Variants in ITSN1 observed in about 807,000 individuals in gnomAD.
ITSN1 encodes the protein intersectin-1.
Under a neutral mutation model 239.8 loss-of-function variants are expected in ITSN1, and 58 were observed. That is an observed-to-expected ratio of 0.24 (90% confidence interval 0.20 to 0.30). ITSN1 has a LOEUF of 0.30. ITSN1 is among the 10% of genes least tolerant of loss of function. The pLI, the probability that ITSN1 is intolerant of heterozygous loss-of-function variation, is 1.00. For missense variants in ITSN1, 1,558 were observed against 2,103.3 expected, an observed-to-expected ratio of 0.74 and a Z score of 5.07; for synonymous variants, 780 against 770.8, an observed-to-expected ratio of 1.01 and a Z score of -0.20.
intron 1 of ITSN1, among the ~76,000 whole-genome samples, chr21:33,679,230 G>GTA (rs1491048943): frequency 6.6e-6 from 1 of 152,098 alleles, no homozygotes; most frequent in Non-Finnish European, 1.5e-5. Context: ...GTGTGTGTGT[G>GTA]TATCTATATA....
rs560723776 is a variant in ITSN1, at chr21:33,684,030, G to C, written c.-32-34767G>C. Among the ~76,000 whole-genome samples, 37 of 152,350 alleles carry C rather than the reference G, an allele frequency of 2.4e-4. 1 individual carries two copies. Among genetic ancestry groups the C allele is most frequent in the Admixed American group, 1.7e-3 (26 of 15,296 alleles). ...TGAAGCCACCGTGTAACATCTGTTAGAGACTCAATGTGAGCCCTGTGAGTT... is the reference window on the plus strand; with the variant it reads ...TGAAGCCACCGTGTAACATCTGTTACAGACTCAATGTGAGCCCTGTGAGTT... On this transcript the variant is annotated intron_variant, in intron 1 of 39. Transcript: ENST00000381318.
chr21:33,686,679 C>A (rs1018668496), intron 1 of ITSN1, among the ~76,000 whole-genome samples: 2 of 152,154 alleles, frequency 1.3e-5, no homozygotes, highest in African/African-American at 2.4e-5. Context: ...TTTCCCCTTT[C>A]CATTTTATAT....
At chr21:33,734,398 T>A (rs918370275) in intron 4 of ITSN1, among the ~76,000 whole-genome samples, 1 of 152,222 alleles carries the variant, frequency 6.6e-6, no homozygotes, top group African/African-American at 2.4e-5. Context: ...AGACACATTT[T>A]GTAAGCTAAC....
At chr21:33,755,184 T>C in intron 7 of ITSN1, 113 bp from the exon 8 acceptor site, 1 of 514,390 alleles carries the variant, frequency 1.9e-6, no homozygotes, top group Non-Finnish European at 3.4e-6. Context: ...GAATAAAATA[T>C]GAAAGTTAGA....
At chr21:33,726,584 G>A (rs1168514467) in intron 4 of ITSN1, among the ~76,000 whole-genome samples, 3 of 152,092 alleles carry the variant, frequency 2.0e-5, no homozygotes, top group Non-Finnish European at 4.4e-5. Context: ...GCTCACTGCA[G>A]CCTCAATATT....
chr21:33,895,562 C>T lies in ITSN1; in HGVS notation c.*7262C>T, dbSNP rs550003368. 1.9e-4 allele frequency: 27 copies of T among 139,428 alleles called. No homozygotes were observed. In the South Asian group the frequency reaches 5.5e-3, roughly 28 times the overall value. 8.6% of individuals were successfully genotyped at this position (139,428 alleles called of 1,614,324 possible). A position where few individuals can be genotyped will look rare whatever the true frequency, so the allele number is the denominator to read the frequency against. On this transcript the variant is annotated 3_prime_UTR_variant, in exon 40 of 40. Transcript: ENST00000381318. ...ACGTGTGTGTGCACGCATGTGTGTG[C>T]GTGTATGTGTGCGTGTGTGCATGTT...
chr21:33,644,501 C>CT (rs1491131814), intron 1 of ITSN1, among the ~76,000 whole-genome samples: 1 of 152,036 alleles, frequency 6.6e-6, no homozygotes, highest in Non-Finnish European at 1.5e-5. Context: ...CGTCACAAAA[C>CT]TCTTTTATTA....
intron 1 of ITSN1, among the ~76,000 whole-genome samples, chr21:33,646,183 A>G (rs2087930866): frequency 6.6e-6 from 1 of 152,244 alleles, no homozygotes; most frequent in Admixed American, 6.5e-5. Context: ...CACAAGCACT[A>G]TACCCCAGTG....
intron 1 of ITSN1, among the ~76,000 whole-genome samples, chr21:33,711,206 A>G (rs1368228160): frequency 2.0e-5 from 3 of 152,212 alleles, no homozygotes; most frequent in African/African-American, 7.2e-5. Context: ...ATTTATTGGC[A>G]TAAGGCTTTT....
chr21:33,644,921 C>T (rs1188426153), intron 1 of ITSN1, among the ~76,000 whole-genome samples: 2 of 151,820 alleles, frequency 1.3e-5, no homozygotes, highest in Admixed American at 1.3e-4. Flanking sequence ...TCCTGGGCTC[C>T]AGTGATCTTC....
chr21:33,700,990 T>TGTGTGTGTG (rs1375498602), intron 1 of ITSN1, among the ~76,000 whole-genome samples: 12 of 149,340 alleles, frequency 8.0e-5, no homozygotes, highest in African/African-American at 2.2e-4. Flanking sequence ...TGTGTGTGTG[T>TGTGTGTGTG]TTTCTTATAG....
chr21:33,877,986 CTCTT>C (rs1164073958), intron 34 of ITSN1, among the ~76,000 whole-genome samples: 2 of 146,834 alleles, frequency 1.4e-5, no homozygotes, highest in Non-Finnish European at 3.0e-5. Flanking sequence ...CTCTCTGTCT[CTCTT>C]TCTCTTTCTC....
intron 7 of ITSN1, 71 bp from the exon 8 acceptor site, chr21:33,755,226 G>C (rs2067826837): frequency 1.3e-6 from 1 of 745,064 alleles, no homozygotes; most frequent in African/African-American, 1.8e-5. Context: ...TTAGTTTACT[G>C]TCATTAAGGA....
At chr21:33,657,484 C>A (rs2146214358) in intron 1 of ITSN1, among the ~76,000 whole-genome samples, 1 of 152,216 alleles carries the variant, frequency 6.6e-6, no homozygotes, top group South Asian at 2.1e-4. Flanking sequence ...CTTTTCATAC[C>A]CTCTTTTGAC....
chr21:33,797,326 T>G lies in ITSN1; in HGVS notation c.1953-53T>G. 1 of 1,478,620 alleles carries G rather than the reference T, an allele frequency of 6.8e-7. No homozygotes were observed. Among genetic ancestry groups the G allele is most frequent in the Non-Finnish European group, 9.4e-7 (1 of 1,060,440 alleles). The allele number at this position is 1,478,620 out of a possible 1,614,324, so 91.6% of individuals were successfully genotyped here. A position where few individuals can be genotyped will look rare whatever the true frequency, so the allele number is the denominator to read the frequency against. ...CTTTTTTTGTGAAAAGAGGCAACAG[T>G]AGTGTTAACTTAGAGTTGCTTTCTT... On this transcript the variant is annotated intron_variant, in intron 17 of 39. Transcript: ENST00000381318. This position sits in a 1 kb window ranked among gnomAD's most constrained non-coding sequence, Gnocchi z 4.9.
chr21:33,680,909 A>G (rs143720236), intron 1 of ITSN1, among the ~76,000 whole-genome samples: 170 of 152,336 alleles, frequency 1.1e-3, no homozygotes, highest in Non-Finnish European at 1.1e-3. Context: ...AGTCGGGTAT[A>G]TTAATTAGTC....
At chr21:33,830,200 C>T (rs920733683) in intron 27 of ITSN1, among the ~76,000 whole-genome samples, 2 of 152,146 alleles carry the variant, frequency 1.3e-5, no homozygotes, top group Non-Finnish European at 2.9e-5. Context: ...TTAATCATAT[C>T]ATCTTGTTTA....
At position 33,874,440 on chromosome 21, in the gene ITSN1, T is replaced by C. The variant is rs569192081; in HGVS notation, c.4174-914T>C. Among the ~76,000 whole-genome samples, 3 of 152,268 alleles carry C rather than the reference T, an allele frequency of 2.0e-5. No homozygotes were observed. In the East Asian group the frequency reaches 5.8e-4, roughly 29 times the overall value. ...AGCATAGACTGCGCTGTCCCTGCCC[T>C]GCCCTCCAAGGGCACCTGTTGGCTC... is the stretch of plus-strand genomic sequence containing the variant. On this transcript the variant is annotated intron_variant, in intron 33 of 39. Transcript: ENST00000381318.
intron 29 of ITSN1, 42 bp downstream of exon 29, chr21:33,836,674 C>T: frequency 6.7e-7 from 1 of 1,489,554 alleles, no homozygotes; most frequent in Non-Finnish European, 9.3e-7. Context: ...TCTCTGGTAT[C>T]TTCCCGTAAA....
Sources: gnomAD v4.1 joint callset for allele counts (sites outside exome capture counted in the v4.1 genomes callset) on GRCh38, gnomAD v4.1.1 for gene constraint, Gnocchi (gnomAD v3.1) non-coding constraint, MANE v1.5 for transcripts, NCBI Gene and HGNC (gene_info 2026-07-23, HGNC 2026-07-21) for gene names.